The following KAZN variants were observed in gnomAD, a reference collection of about 807,000 sequenced individuals.
KAZN encodes kazrin.
Under a neutral mutation model 87.4 loss-of-function variants are expected in KAZN, and 40 were observed. The ratio of observed to expected loss-of-function variants is 0.46; its 90% CI spans 0.36 to 0.60. The LOEUF is 0.60. KAZN is among the 20% of genes least tolerant of loss of function. The pLI is 0.00. For synonymous variants in KAZN, 466 were observed against 458.3 expected, an observed-to-expected ratio of 1.02 and a Z score of -0.22; for missense variants, 898 against 1,073.9, an observed-to-expected ratio of 0.84 and a Z score of 2.29.
In KAZN at chr1:15,094,289, C is replaced by A. The variant is rs1359513332; in HGVS notation, c.1332C>A (p.Ser444=). 1.9e-6 allele frequency: 3 copies of A among 1,613,886 alleles called. No homozygotes were observed. The highest frequency in any genetic ancestry group is 1.3e-5 in the African/African-American group (1 of 74,944). Residue 444 remains serine, a synonymous_variant, in exon 9 of 15, where the codon TCC becomes TCA. Transcript: ENST00000376030. This position sits in a 1 kb window ranked among gnomAD's most constrained non-coding sequence, Gnocchi z 4.5. Reference sequence around the variant, plus strand: ...AGCTGGTGAGGACCACCCCTATGTCCCACTGGAAGGCGGGCACCGTCCAGG... The same window carrying A: ...AGCTGGTGAGGACCACCCCTATGTCACACTGGAAGGCGGGCACCGTCCAGG... ...QVELVRTTPM[S]HWKAGTVQAW...
At chr1:14,025,746 T>C (rs1268038824) in intron 1 of KAZN, among the ~76,000 whole-genome samples, 3 of 152,198 alleles carry the variant, frequency 2.0e-5, no homozygotes, top group Admixed American at 2.0e-4. Context: ...TAATTATAAT[T>C]GTATTAAATT....
intron 1 of KAZN, among the ~76,000 whole-genome samples, chr1:14,061,676 C>T (rs900825585): frequency 2.0e-5 from 3 of 152,214 alleles, no homozygotes; most frequent in Non-Finnish European, 2.9e-5. Context: ...GTGGCAGGAA[C>T]TTGCCCATCT....
At chr1:14,190,254 A>G (rs1283801738) in intron 2 of KAZN, among the ~76,000 whole-genome samples, 1 of 152,144 alleles carries the variant, frequency 6.6e-6, no homozygotes, top group African/African-American at 2.4e-5. Context: ...TTGCAGAGCG[A>G]TGTGAAAAAT....
intron 1 of KAZN, among the ~76,000 whole-genome samples, chr1:14,808,680 G>A (rs1258213381): frequency 6.6e-6 from 1 of 152,152 alleles, no homozygotes; most frequent in Non-Finnish European, 1.5e-5. Context: ...GTCCATCTGA[G>A]ATGTATTATT....
chr1:13,961,751 A>G (rs2101025957), intron 1 of KAZN, among the ~76,000 whole-genome samples: 1 of 152,266 alleles, frequency 6.6e-6, no homozygotes, highest in Admixed American at 6.5e-5. Context: ...ATTCTCTGGG[A>G]TGGACTGAAA....
chr1:14,451,591 A>AGG (rs1238292794), intron 2 of KAZN, among the ~76,000 whole-genome samples: 2 of 151,392 alleles, frequency 1.3e-5, no homozygotes. Context: ...AGAAAGAGAG[A>AGG]GAGAGAGAGA....
chr1:14,446,072 T>C (rs888542807), intron 2 of KAZN, among the ~76,000 whole-genome samples: 2 of 151,330 alleles, frequency 1.3e-5, no homozygotes, highest in African/African-American at 2.4e-5. Context: ...GGTGCACACC[T>C]GTAGGCCCAG....
intron 1 of KAZN, among the ~76,000 whole-genome samples, chr1:14,728,287 T>TAAAAAAAAA (rs1271080739): frequency 1.4e-5 from 1 of 70,424 alleles, no homozygotes; most frequent in African/African-American, 5.7e-5. Flanking sequence ...ACACCGTATA[T>TAAAAAAAAA]ATAAAAAAAA....
chr1:14,207,205 C>A (rs9804069), intron 2 of KAZN, among the ~76,000 whole-genome samples: 2 of 151,924 alleles, frequency 1.3e-5, no homozygotes, highest in African/African-American at 4.8e-5. Context: ...CTCAGGTGAT[C>A]TGCCCACCTC....
At chr1:14,149,975 A>G (rs1645438429) in intron 1 of KAZN, among the ~76,000 whole-genome samples, 1 of 152,212 alleles carries the variant, frequency 6.6e-6, no homozygotes, top group African/African-American at 2.4e-5. Context: ...GATTCAGAAA[A>G]TGGTGATACC....
At chr1:13,997,666 G>C (rs1335862899) in intron 1 of KAZN, among the ~76,000 whole-genome samples, 1 of 151,856 alleles carries the variant, frequency 6.6e-6, no homozygotes, top group Non-Finnish European at 1.5e-5. Flanking sequence ...GACAAGACTA[G>C]AGAAAAAAGA....
At chr1:14,445,063 C>G (rs1666908031) in intron 2 of KAZN, among the ~76,000 whole-genome samples, 1 of 151,136 alleles carries the variant, frequency 6.6e-6, no homozygotes. Flanking sequence ...TCTTGCTCTG[C>G]CACCCAGGCT....
At chr1:14,626,431 T>C (rs1368078251) in intron 1 of KAZN, among the ~76,000 whole-genome samples, 1 of 152,148 alleles carries the variant, frequency 6.6e-6, no homozygotes, top group Non-Finnish European at 1.5e-5. Context: ...CAACAGCCCA[T>C]TGTGTTGTTT....
At chr1:14,270,177 A>G (rs1651809842) in intron 2 of KAZN, among the ~76,000 whole-genome samples, 2 of 152,206 alleles carry the variant, frequency 1.3e-5, no homozygotes. Flanking sequence ...CTTTAACTGG[A>G]CTAGCTTGAA....
At chr1:14,014,354 CAG>C (rs1640465288) in intron 1 of KAZN, among the ~76,000 whole-genome samples, 1 of 151,906 alleles carries the variant, frequency 6.6e-6, no homozygotes, top group South Asian at 2.1e-4. Flanking sequence ...GCAGAGAAGA[CAG>C]AGTCCCCTGT....
chr1:14,361,192 C>T (rs1659479662), intron 2 of KAZN, among the ~76,000 whole-genome samples: 1 of 152,226 alleles, frequency 6.6e-6, no homozygotes, highest in Non-Finnish European at 1.5e-5. Flanking sequence ...CTGCGGTGTA[C>T]TCTGCCCAGT....
intron 1 of KAZN, among the ~76,000 whole-genome samples, chr1:14,814,758 AT>A (rs1646515610): frequency 1.3e-5 from 2 of 152,220 alleles, no homozygotes; most frequent in South Asian, 4.1e-4. Flanking sequence ...GCAAGGAGTA[AT>A]GGAAGGCATT....
chr1:14,932,765 G>A (rs78177886), intron 1 of KAZN, among the ~76,000 whole-genome samples: 6,967 of 150,082 alleles, frequency 0.046, 211 homozygotes, highest in Middle Eastern at 0.12. Flanking sequence ...CCAGGGTGGA[G>A]TTCAGAACCC....
rs139328629 is a variant in KAZN at position 14,699,269 on chromosome 1, G to A, written c.226+100046G>A. Among the ~76,000 whole-genome samples the A allele has an allele frequency of 8.1e-4, 123 of 152,288 alleles. 2 individuals are homozygous for A. The East Asian group carries it at 0.023, about 28-fold the overall frequency. On this transcript the variant is annotated intron_variant, in intron 1 of 14. Transcript: ENST00000376030. The stretch of plus-strand genomic sequence containing the variant: ...TTTGTGGATCTCAGGTGGCACCCAG[G>A]TGGGACCCAGGGAGGACCTGGAATG...
Sources: gnomAD v4.1 joint callset for allele counts (sites outside exome capture counted in the v4.1 genomes callset) on GRCh38, gnomAD v4.1.1 for gene constraint, Gnocchi (gnomAD v3.1) non-coding constraint, MANE v1.5 for transcripts, NCBI Gene and HGNC (gene_info 2026-07-23, HGNC 2026-07-21) for gene names.